Variants in FOXP2 observed in about 807,000 individuals in gnomAD.
FOXP2 encodes forkhead box P2, also known as forkhead box protein P2.
Under a neutral mutation model 115.8 loss-of-function variants are expected in FOXP2, and 12 were observed. That is an observed-to-expected ratio of 0.10 (90% CI 0.07 to 0.17). FOXP2 has a LOEUF of 0.17. Among genes scored for constraint, FOXP2 ranks in the 10% least tolerant of loss-of-function variants. The probability of loss-of-function intolerance (pLI) is 1.00; values close to 1 mark genes in which losing one functional copy is unlikely to be tolerated. For missense variants in FOXP2, 629 were observed against 843.5 expected (o/e 0.75, Z 3.15); for synonymous variants, 328 against 297.7 (o/e 1.10, Z -1.05).
chr7:114,163,706 G>T (rs1016548209), intron 1 of FOXP2, among the ~76,000 whole-genome samples: 1 of 152,182 alleles, frequency 6.6e-6, no homozygotes, highest in African/African-American at 2.4e-5. Context: ...TTGCTGTTCA[G>T]AAGTTGATAG....
At chr7:114,131,415 T>A (rs1443465172) in intron 1 of FOXP2, among the ~76,000 whole-genome samples, 1 of 152,174 alleles carries the variant, frequency 6.6e-6, no homozygotes, top group Non-Finnish European at 1.5e-5. Flanking sequence ...CATGCACACA[T>A]GCACATACAT....
At chr7:114,592,209 G>C (rs1287041584) in intron 3 of FOXP2, among the ~76,000 whole-genome samples, 1 of 151,932 alleles carries the variant, frequency 6.6e-6, no homozygotes, top group East Asian at 1.9e-4. Context: ...GGCACTATTG[G>C]TGGATAAATT....
intron 2 of FOXP2, among the ~76,000 whole-genome samples, chr7:114,473,137 A>G (rs1246573900): frequency 1.3e-5 from 2 of 152,222 alleles, no homozygotes; most frequent in Non-Finnish European, 2.9e-5. Flanking sequence ...AGGATTTGAC[A>G]TGTATTCATA....
intron 1 of FOXP2, among the ~76,000 whole-genome samples, chr7:114,250,387 G>T (rs566508813): frequency 4.7e-4 from 71 of 152,282 alleles, no homozygotes; most frequent in African/African-American, 1.5e-3. Flanking sequence ...TTCCACAATG[G>T]TTGAACTAGT....
intron 1 of FOXP2, among the ~76,000 whole-genome samples, chr7:114,221,386 A>T (rs1584555626): frequency 6.6e-6 from 1 of 152,186 alleles, no homozygotes; most frequent in Non-Finnish European, 1.5e-5. Flanking sequence ...TGTCCTAAAA[A>T]TTCATGGCCT....
intron 1 of FOXP2, among the ~76,000 whole-genome samples, chr7:114,425,381 T>C (rs1793799253): frequency 6.6e-6 from 1 of 151,514 alleles, no homozygotes; most frequent in Non-Finnish European, 1.5e-5. Context: ...GTGCATCCAT[T>C]AGGTTATGGC....
chr7:114,691,929 C>CAAAAAAAAA lies in FOXP2; in HGVS notation c.*2008_*2016dup. 10 of 250,916 alleles carry CAAAAAAAAA rather than the reference C, an allele frequency of 4.0e-5. No homozygotes were observed. Among genetic ancestry groups the CAAAAAAAAA allele is most frequent in the East Asian group, 3.2e-4 (3 of 9,266 alleles). 15.5% of individuals were successfully genotyped at this position (250,916 alleles called of 1,614,324 possible). ...GGCTTTCTGAAAGCTTCTACCTCTGCAAAAAAAAAAAAAGAAAAAAAAAAA... is the reference window on the plus strand; with the variant it reads ...GGCTTTCTGAAAGCTTCTACCTCTGCAAAAAAAAAAAAAAAAAAAAAAGAAAAAAAAAAA... On this transcript the variant is annotated 3_prime_UTR_variant, in exon 17 of 17. Coordinates refer to ENST00000350908, the MANE Select transcript of FOXP2 (RefSeq NM_014491.4).
At chr7:114,189,188 C>T (rs1431431788) in intron 1 of FOXP2, among the ~76,000 whole-genome samples, 1 of 152,132 alleles carries the variant, frequency 6.6e-6, no homozygotes, top group African/African-American at 2.4e-5. Flanking sequence ...AGGATTGACT[C>T]ATTTCATTAC....
intron 2 of FOXP2, among the ~76,000 whole-genome samples, chr7:114,442,336 C>G (rs545450575): frequency 2.7e-4 from 38 of 142,632 alleles, no homozygotes; most frequent in African/African-American, 1.0e-3. Context: ...TATCTGCAAA[C>G]GGGCAAGAGG....
chr7:114,663,121 T>C (rs1042163959), intron 14 of FOXP2, among the ~76,000 whole-genome samples: 2 of 152,118 alleles, frequency 1.3e-5, no homozygotes, highest in African/African-American at 4.8e-5. Flanking sequence ...TATATTTACA[T>C]TTTAAAAATT....
At chr7:114,481,712 T>A (rs192832432) in intron 2 of FOXP2, among the ~76,000 whole-genome samples, 50 of 151,404 alleles carry the variant, frequency 3.3e-4, no homozygotes, top group African/African-American at 1.1e-3. Flanking sequence ...ATTCCCTGGC[T>A]CAAGTAAATG....
intron 2 of FOXP2, among the ~76,000 whole-genome samples, chr7:114,469,691 G>A (rs1162057937): frequency 6.6e-6 from 1 of 152,000 alleles, no homozygotes; most frequent in African/African-American, 2.4e-5. Flanking sequence ...GTGTGTAACT[G>A]GAATAGCTAT....
chr7:114,591,367 A>G (rs1294709672), intron 3 of FOXP2, among the ~76,000 whole-genome samples: 1 of 151,978 alleles, frequency 6.6e-6, no homozygotes, highest in Non-Finnish European at 1.5e-5. Flanking sequence ...ATTTTTGGAG[A>G]TTGTTTATAT....
rs1173840188 is a variant in FOXP2, at chr7:114,594,100, A to G, written c.259-34440A>G. Among the ~76,000 whole-genome samples the G allele has an allele frequency of 2.0e-5, 3 of 152,060 alleles. No homozygotes were observed. In the East Asian group the frequency reaches 5.8e-4, roughly 29 times the overall value. ...AAAAACAAAAAATAACAGTTGGTTT[A>G]TTGTTACATATCAAAATGTGGCCTG... On this transcript the variant is annotated intron_variant, in intron 3 of 16. Coordinates refer to ENST00000350908, the MANE Select transcript of FOXP2 (RefSeq NM_014491.4).
intron 1 of FOXP2, among the ~76,000 whole-genome samples, chr7:114,171,422 A>C (rs1268861221): frequency 2.6e-5 from 4 of 152,100 alleles, no homozygotes; most frequent in Non-Finnish European, 5.9e-5. Flanking sequence ...AAAATTAAAA[A>C]ATTAGCTGGG....
chr7:114,197,884 A>G (rs1210690718), intron 1 of FOXP2, among the ~76,000 whole-genome samples: 6 of 144,610 alleles, frequency 4.1e-5, no homozygotes, highest in Non-Finnish European at 9.1e-5. Flanking sequence ...TTTTTTTTTT[A>G]GACAGGGTCT....
upstream of FOXP2, among the ~76,000 whole-genome samples, chr7:114,161,026 T>C (rs889110004): frequency 6.6e-6 from 1 of 152,216 alleles, no homozygotes; most frequent in Non-Finnish European, 1.5e-5. Flanking sequence ...CATTTATCCT[T>C]TGTCAATTCA....
chr7:114,508,344 T>G (rs2129258793), intron 2 of FOXP2, among the ~76,000 whole-genome samples: 2 of 152,190 alleles, frequency 1.3e-5, no homozygotes, highest in East Asian at 3.9e-4. Flanking sequence ...GAGTGATTCA[T>G]TCATTTAGCA....
intron 2 of FOXP2, among the ~76,000 whole-genome samples, chr7:114,528,830 T>C (rs1799001886): frequency 6.6e-6 from 1 of 151,710 alleles, no homozygotes; most frequent in African/African-American, 2.4e-5. Context: ...TAAAATCTAT[T>C]TGGGAAAATA....
Sources: gnomAD v4.1 joint callset for allele counts (sites outside exome capture counted in the v4.1 genomes callset) on GRCh38, gnomAD v4.1.1 for gene constraint, MANE v1.5 for transcripts, NCBI Gene and HGNC (gene_info 2026-07-23, HGNC 2026-07-21) for gene names.